The following KCTD20 variants were observed in gnomAD, a reference collection of about 807,000 sequenced individuals.
KCTD20 encodes the protein potassium channel tetramerization domain containing 20, also known as BTB/POZ domain-containing protein KCTD20.
KCTD20 carries 30 observed loss-of-function variants against 39.6 expected under a neutral mutation model. The ratio of observed to expected loss-of-function variants is 0.76; its 90% CI spans 0.57 to 1.03. The LOEUF (loss-of-function observed/expected upper bound fraction) is 1.03, where lower values mean the gene tolerates loss of function less well. Among genes scored for constraint, KCTD20 ranks in the 50% least tolerant of loss-of-function variants. The pLI is 0.00. For synonymous variants in KCTD20, 162 were observed against 180.6 expected (o/e 0.90, Z 0.83); for missense variants, 422 against 522.0 (o/e 0.81, Z 1.87).
chr6:36,455,836 C>T (rs62402187), intron 1 of KCTD20, among the ~76,000 whole-genome samples: 2,351 of 152,166 alleles, frequency 0.015, 28 homozygotes, highest in Non-Finnish European at 0.023. Flanking sequence ...TGGATCAGGC[C>T]CACCCAGATT....
intron 7 of KCTD20, among the ~76,000 whole-genome samples, chr6:36,485,685 G>T (rs1019937614): frequency 1.3e-5 from 2 of 152,026 alleles, no homozygotes; most frequent in Admixed American, 1.3e-4. Context: ...AGTAGAGACG[G>T]TGTTTCACTT....
chr6:36,464,735 G>T (rs775601797), intron 1 of KCTD20, among the ~76,000 whole-genome samples: 2 of 152,112 alleles, frequency 1.3e-5, no homozygotes, highest in Non-Finnish European at 2.9e-5. Flanking sequence ...TCATTAGCAT[G>T]CATAAAGAAA....
chr6:36,456,649 G>A (rs1428671589), intron 1 of KCTD20, among the ~76,000 whole-genome samples: 2 of 146,026 alleles, frequency 1.4e-5, no homozygotes, highest in Non-Finnish European at 1.5e-5. Context: ...ATATAGTGGT[G>A]CTATCACAGC....
chr6:36,472,344 C>G (rs577653970), intron 2 of KCTD20, among the ~76,000 whole-genome samples: 1 of 152,094 alleles, frequency 6.6e-6, no homozygotes, highest in Non-Finnish European at 1.5e-5. Context: ...GGTTTTTGAT[C>G]TAGATTTTTG....
chr6:36,470,004 A>C, intron 1 of KCTD20, 48 bp from the exon 2 acceptor site: 4 of 1,166,160 alleles, frequency 3.4e-6, no homozygotes, highest in Non-Finnish European at 4.7e-6. Flanking sequence ...GGAATTCCTT[A>C]GAAATCTGTT....
chr6:36,477,790 G>A (rs1435581272), intron 3 of KCTD20, among the ~76,000 whole-genome samples: 1 of 147,974 alleles, frequency 6.8e-6, no homozygotes, highest in Non-Finnish European at 1.5e-5. Flanking sequence ...GGCCGAAATG[G>A]AATCATTTTC....
At chr6:36,470,288 G>A (rs1775873945) in intron 2 of KCTD20, 31 bp downstream of exon 2, 1 of 1,564,460 alleles carries the variant, frequency 6.4e-7, no homozygotes, top group Non-Finnish European at 8.7e-7. Flanking sequence ...CTTAATTTGG[G>A]GGGCTTTCCA....
At chr6:36,462,263 A>G (rs556892511) in intron 1 of KCTD20, among the ~76,000 whole-genome samples, 1 of 152,256 alleles carries the variant, frequency 6.6e-6, no homozygotes, top group East Asian at 1.9e-4. Context: ...ATCCTTTGCC[A>G]TACAAATGTT....
intron 1 of KCTD20, among the ~76,000 whole-genome samples, chr6:36,444,037 A>G (rs953173071): frequency 3.3e-5 from 5 of 152,202 alleles, no homozygotes; most frequent in Admixed American, 2.0e-4. Context: ...CTTCCGCTCA[A>G]GGCCCCCACC....
rs890547059 is a variant in KCTD20 at position 36,488,030 on chromosome 6, A to C, written c.*855A>C. ...GCTGTGGATATGTCCAGGAGACCTT[A>C]GATATGGCTTAAAGGCTTTCAAGAT... On this transcript the variant is annotated 3_prime_UTR_variant, in exon 8 of 8. Coordinates refer to ENST00000373731, the MANE Select transcript of KCTD20 (RefSeq NM_173562.5). The C allele has an allele frequency of 1.3e-5, 2 of 152,196 alleles. No individual in the cohort carries two copies. The highest frequency in any genetic ancestry group is 4.8e-5 in the African/African-American group (2 of 41,452). The allele number at this position is 152,196 out of a possible 1,614,324, so 9.4% of individuals were successfully genotyped here.
chr6:36,470,553 T>C (rs1360880199), intron 2 of KCTD20, among the ~76,000 whole-genome samples: 2 of 152,188 alleles, frequency 1.3e-5, no homozygotes, highest in Non-Finnish European at 2.9e-5. Flanking sequence ...TAACCATGGA[T>C]GAGATCCTCA....
intron 1 of KCTD20, among the ~76,000 whole-genome samples, chr6:36,467,318 A>ATTTTT (rs775332647): frequency 1.0e-4 from 3 of 29,850 alleles, no homozygotes; most frequent in African/African-American, 4.0e-4. Context: ...ATCCTTCAGG[A>ATTTTT]TTTTTTTTTT....
chr6:36,447,341 T>G (rs1214135036), intron 1 of KCTD20, among the ~76,000 whole-genome samples: 1 of 152,056 alleles, frequency 6.6e-6, no homozygotes, highest in African/African-American at 2.4e-5. Context: ...TCAAAAATAT[T>G]TTTAGGCTGG....
intron 1 of KCTD20, among the ~76,000 whole-genome samples, chr6:36,449,013 CAGTG>C (rs112542373): frequency 0.1 from 15,698 of 152,082 alleles, 981 homozygotes; most frequent in Admixed American, 0.22. Context: ...CAGACCTTTG[CAGTG>C]AGTGTTACAG....
chr6:36,460,315 C>T (rs929477187), intron 1 of KCTD20, among the ~76,000 whole-genome samples: 2 of 129,322 alleles, frequency 1.5e-5, no homozygotes, highest in South Asian at 4.9e-4. Flanking sequence ...TTAGATCTCT[C>T]TTTTTTTTTC....
At chr6:36,450,744 C>T (rs1251328697) in intron 1 of KCTD20, among the ~76,000 whole-genome samples, 1 of 152,088 alleles carries the variant, frequency 6.6e-6, no homozygotes, top group Admixed American at 6.6e-5. Flanking sequence ...CATACATTAA[C>T]TTAAATTCCT....
intron 6 of KCTD20, 69 bp downstream of exon 6, chr6:36,481,828 C>G (rs1776260536): frequency 7.5e-7 from 1 of 1,324,936 alleles, no homozygotes; most frequent in South Asian, 1.2e-5. Flanking sequence ...CAGCTTGATC[C>G]TAGAACCAAT....
intron 1 of KCTD20, among the ~76,000 whole-genome samples, chr6:36,458,060 C>G (rs540797740): frequency 3.9e-5 from 6 of 152,000 alleles, no homozygotes; most frequent in Admixed American, 1.3e-4. Flanking sequence ...AAAAATCTAG[C>G]CTTCTTTTTT....
chr6:36,451,291 T>G (rs1370429287), intron 1 of KCTD20: 2 of 152,244 alleles, frequency 1.3e-5, no homozygotes, highest in East Asian at 3.8e-4. Flanking sequence ...CATTTTCATT[T>G]TTCCTTATTT....
Sources: allele counts gnomAD v4.1 joint callset (sites outside exome capture counted in the v4.1 genomes callset), GRCh38; gene constraint gnomAD v4.1.1; transcripts MANE v1.5; gene names NCBI Gene and HGNC (gene_info 2026-07-23, HGNC 2026-07-21).